Variants in PDE10A observed in about 807,000 individuals in gnomAD.
PDE10A encodes phosphodiesterase 10A.
A neutral mutation model predicts 97.7 loss-of-function variants in PDE10A; 39 were observed. The ratio of observed to expected loss-of-function variants is 0.40; its 90% CI spans 0.31 to 0.52. The LOEUF is 0.52. PDE10A is among the 20% of genes least tolerant of loss of function. The pLI is 0.56. For synonymous variants in PDE10A, 371 were observed against 376.8 expected, an observed-to-expected ratio of 0.98 and a Z score of 0.18; for missense variants, 731 against 1,047.8, an observed-to-expected ratio of 0.70 and a Z score of 4.17.
intron 1 of PDE10A, among the ~76,000 whole-genome samples, chr6:165,913,084 T>G (rs1782505398): frequency 6.6e-6 from 1 of 152,188 alleles, no homozygotes; most frequent in African/African-American, 2.4e-5. Context: ...ATTATCTAAA[T>G]TATTACATAA....
intron 3 of PDE10A, among the ~76,000 whole-genome samples, chr6:165,456,310 C>G (rs1777951293): frequency 6.6e-6 from 1 of 152,200 alleles, no homozygotes; most frequent in African/African-American, 2.4e-5. Context: ...GTAAAAATCA[C>G]TAGATATTTC....
intron 1 of PDE10A, among the ~76,000 whole-genome samples, chr6:165,769,079 T>C (rs1221963785): frequency 2.6e-5 from 4 of 152,234 alleles, no homozygotes; most frequent in Admixed American, 6.5e-5. Context: ...AGCTTTTCCA[T>C]TTCAACTCTG....
chr6:165,387,781 A>C (rs550160490), intron 17 of PDE10A, among the ~76,000 whole-genome samples: 1 of 152,342 alleles, frequency 6.6e-6, no homozygotes, highest in African/African-American at 2.4e-5. Context: ...GAGTTTGAGA[A>C]AAATCATTTA....
chr6:165,770,311 T>C (rs544064384), intron 1 of PDE10A, among the ~76,000 whole-genome samples: 2 of 150,660 alleles, frequency 1.3e-5, no homozygotes, highest in African/African-American at 4.9e-5. Context: ...AACATCTTTT[T>C]AAAAAAAAAG....
At chr6:165,693,559 G>A (rs888796901) in intron 1 of PDE10A, among the ~76,000 whole-genome samples, 2 of 144,520 alleles carry the variant, frequency 1.4e-5, no homozygotes, top group African/African-American at 5.1e-5. Context: ...AAAACCGAGT[G>A]CACTGAATTT....
intron 1 of PDE10A, among the ~76,000 whole-genome samples, chr6:165,896,882 C>G (rs554370295): frequency 6.6e-6 from 1 of 151,954 alleles, no homozygotes; most frequent in African/African-American, 2.4e-5. Context: ...GTCGGTCAGG[C>G]TGGTCGTGAA....
chr6:165,346,016 C>T (rs1363036896), intron 18 of PDE10A, among the ~76,000 whole-genome samples: 4 of 152,090 alleles, frequency 2.6e-5, no homozygotes, highest in South Asian at 2.1e-4. Flanking sequence ...ATTATGGCTG[C>T]GACACAGTGA....
intron 1 of PDE10A, among the ~76,000 whole-genome samples, chr6:165,706,684 A>G (rs543394535): frequency 6.6e-6 from 1 of 152,342 alleles, no homozygotes; most frequent in South Asian, 2.1e-4. Flanking sequence ...GGAAACTTGG[A>G]GAGTAATTTT....
chr6:165,751,767 C>A (rs1314076357), intron 1 of PDE10A, among the ~76,000 whole-genome samples: 2 of 152,134 alleles, frequency 1.3e-5, no homozygotes, highest in Admixed American at 6.5e-5. Context: ...TCGGAAGTTA[C>A]CATCCCTTTC....
At chr6:165,761,164 T>C (rs1017527160) in intron 1 of PDE10A, among the ~76,000 whole-genome samples, 8 of 152,190 alleles carry the variant, frequency 5.3e-5, no homozygotes, top group African/African-American at 1.7e-4. Flanking sequence ...TCTCTTTCCT[T>C]TTCTTTTCTC....
At chr6:165,458,619 T>A (rs921626370) in intron 3 of PDE10A, among the ~76,000 whole-genome samples, 12 of 152,098 alleles carry the variant, frequency 7.9e-5, no homozygotes, top group African/African-American at 2.7e-4. Context: ...TAGCATTCTA[T>A]CAGTAAATTG....
chr6:165,630,775 C>T (rs1788592026), intron 1 of PDE10A, among the ~76,000 whole-genome samples: 1 of 152,054 alleles, frequency 6.6e-6, no homozygotes, highest in African/African-American at 2.4e-5. Context: ...ACAAAAAAAA[C>T]ATGATGATGG....
At chr6:165,585,146 G>A (rs531435560) in intron 1 of PDE10A, among the ~76,000 whole-genome samples, 1 of 152,252 alleles carries the variant, frequency 6.6e-6, no homozygotes, top group African/African-American at 2.4e-5. Flanking sequence ...AACCAACCAG[G>A]AACTTTTGCA....
At chr6:165,354,720 G>A (rs1782913701) in intron 18 of PDE10A, among the ~76,000 whole-genome samples, 1 of 152,160 alleles carries the variant, frequency 6.6e-6, no homozygotes, top group Non-Finnish European at 1.5e-5. Flanking sequence ...CCACATCCTT[G>A]TTACAGGGGA....
At chr6:165,732,353 G>A (rs959788681) in intron 1 of PDE10A, among the ~76,000 whole-genome samples, 2 of 152,218 alleles carry the variant, frequency 1.3e-5, no homozygotes, top group African/African-American at 4.8e-5. Context: ...CTGCCCTAGA[G>A]GTGGGGCAGA....
intron 1 of PDE10A, among the ~76,000 whole-genome samples, chr6:165,549,137 A>C (rs1353316108): frequency 1.3e-5 from 2 of 152,306 alleles, no homozygotes; most frequent in Admixed American, 1.3e-4. Context: ...TGCCCCAGAC[A>C]TAGAGTCGTA....
In PDE10A at chr6:165,435,565, C is replaced by T. The variant is rs76290107; in HGVS notation, c.1195-188G>A. ...GTGAAACTATCTCACATTTCCACTTCACAAAAAATACACACTCAAATTTAA... is the reference window on the plus strand; with the variant it reads ...GTGAAACTATCTCACATTTCCACTTTACAAAAAATACACACTCAAATTTAA... On this transcript the variant is annotated intron_variant, in intron 5 of 21. Coordinates refer to ENST00000539869, the MANE Select transcript of PDE10A (RefSeq NM_001385079.1). Among the ~76,000 whole-genome samples the T allele has an allele frequency of 1.0e-2, 1,520 of 152,246 alleles. 20 individuals carry two copies. Among genetic ancestry groups the T allele is most frequent in the African/African-American group, 0.035 (1,456 of 41,538 alleles).
intron 5 of PDE10A, among the ~76,000 whole-genome samples, chr6:165,444,145 A>G (rs2128245501): frequency 6.6e-6 from 1 of 152,310 alleles, no homozygotes; most frequent in Admixed American, 6.5e-5. Flanking sequence ...CTGAGACCAC[A>G]TCAGCCTGGA....
intron 1 of PDE10A, chr6:165,946,826 T>C (rs1305957977): frequency 2.6e-5 from 4 of 152,248 alleles, no homozygotes; most frequent in Non-Finnish European, 5.9e-5. Flanking sequence ...AAACACATTA[T>C]TGAATATAAT....
Sources: allele counts gnomAD v4.1 joint callset (sites outside exome capture counted in the v4.1 genomes callset), GRCh38; gene constraint gnomAD v4.1.1; transcripts MANE v1.5; gene names NCBI Gene and HGNC (gene_info 2026-07-23, HGNC 2026-07-21).